RTL4: variants seen among roughly 807,000 people sequenced by gnomAD.
RTL4 encodes retrotransposon Gag-like protein 4.
Under a neutral mutation model 5.3 loss-of-function variants are expected in RTL4, and 4 were observed. The ratio of observed to expected loss-of-function variants is 0.75; its 90% CI spans 0.37 to 1.72. RTL4 has a LOEUF of 1.72. Ranked by LOEUF, RTL4 falls within the 40% of genes most tolerant of loss-of-function variation. The pLI, the probability that RTL4 is intolerant of heterozygous loss-of-function variation, is 0.04. For synonymous variants in RTL4, 98 were observed against 87.3 expected (o/e 1.12, Z -0.68); for missense variants, 260 against 227.1 (o/e 1.14, Z -0.93).
the RTL4 span, among the ~76,000 whole-genome samples, chrX:112,173,214 A>C: frequency 8.9e-6 from 1 of 111,880 alleles, no homozygotes; most frequent in East Asian, 2.8e-4. Context: ...AAACAAATAA[A>C]TAAATAAGTG....
the RTL4 span, among the ~76,000 whole-genome samples, chrX:112,364,244 C>A: frequency 4.0e-4 from 45 of 111,450 alleles, no homozygotes; most frequent in South Asian, 0.013. Flanking sequence ...TACAGTGAGA[C>A]CATAGAGGCC....
the RTL4 span, among the ~76,000 whole-genome samples, chrX:112,329,520 G>A: frequency 9.0e-6 from 1 of 110,838 alleles, no homozygotes; most frequent in East Asian, 2.8e-4. Flanking sequence ...ATAATCAATA[G>A]CTTACCAACC....
chrX:112,246,098 C>G, the RTL4 span, among the ~76,000 whole-genome samples: 1 of 111,891 alleles, frequency 8.9e-6, no homozygotes, highest in Non-Finnish European at 1.9e-5. Flanking sequence ...AGCTTTGTGT[C>G]AGAGGGCACC....
At chrX:112,083,485 G>T in the RTL4 span, among the ~76,000 whole-genome samples, 1 of 112,121 alleles carries the variant, frequency 8.9e-6, no homozygotes, top group East Asian at 2.8e-4. Context: ...GGGGTCCTAT[G>T]GGGCAGGCTT....
chrX:112,149,648 C>T, the RTL4 span, among the ~76,000 whole-genome samples: 1 of 112,235 alleles, frequency 8.9e-6, no homozygotes, highest in Admixed American at 9.4e-5. Flanking sequence ...CTTTGCTCAT[C>T]ATTTCCTGCT....
At chrX:112,380,150 A>T in the RTL4 span, among the ~76,000 whole-genome samples, 1 of 100,154 alleles carries the variant, frequency 1.0e-5, no homozygotes, top group Non-Finnish European at 2.0e-5. Flanking sequence ...ATGAAGATCA[A>T]TTTTTTTTTT....
At chrX:112,457,310 C>T (rs182945925), downstream of RTL4, among the ~76,000 whole-genome samples, 18 of 112,065 alleles carry the variant, frequency 1.6e-4, no homozygotes, top group Non-Finnish European at 3.2e-4. Context: ...AACAACGGCT[C>T]GCTGCACAAC....
the RTL4 span, among the ~76,000 whole-genome samples, chrX:112,222,738 AG>A: frequency 9.0e-6 from 1 of 111,140 alleles, no homozygotes; most frequent in African/African-American, 3.3e-5. Flanking sequence ...GACTTAAGAA[AG>A]AAAAAAAAAA....
At chrX:112,344,574 G>A in the RTL4 span, among the ~76,000 whole-genome samples, 25 of 111,660 alleles carry the variant, frequency 2.2e-4, 1 homozygote, top group Admixed American at 2.4e-3. Flanking sequence ...AGAACAGCAA[G>A]GGGGAAGTCT....
At chrX:112,224,992 A>C in the RTL4 span, among the ~76,000 whole-genome samples, 1 of 112,160 alleles carries the variant, frequency 8.9e-6, no homozygotes. Flanking sequence ...CACAAATACT[A>C]ATTTATTTAA....
the RTL4 span, among the ~76,000 whole-genome samples, chrX:112,095,049 A>G: frequency 9.0e-6 from 1 of 111,294 alleles, no homozygotes; most frequent in East Asian, 2.8e-4. Flanking sequence ...AACTAGTAGA[A>G]AAGGAGAGGA....
At chrX:112,323,242 C>A in the RTL4 span, among the ~76,000 whole-genome samples, 2 of 111,451 alleles carry the variant, frequency 1.8e-5, no homozygotes, top group Non-Finnish European at 3.8e-5. Context: ...ATTTTCCTGA[C>A]TGCTAGTGAA....
the RTL4 span, among the ~76,000 whole-genome samples, chrX:112,230,334 G>A: frequency 1.2e-4 from 13 of 112,511 alleles, no homozygotes; most frequent in African/African-American, 4.2e-4. Context: ...GAGCCATGTG[G>A]GGGATATAAT....
chrX:112,291,058 G>A, the RTL4 span, among the ~76,000 whole-genome samples: 1 of 111,532 alleles, frequency 9.0e-6, no homozygotes, highest in Admixed American at 9.6e-5. Flanking sequence ...TAGGACCCAA[G>A]ATAGGAATAC....
At chrX:112,134,900 A>G in the RTL4 span, among the ~76,000 whole-genome samples, 4 of 111,982 alleles carry the variant, frequency 3.6e-5, no homozygotes, top group South Asian at 3.7e-4. Context: ...ATTCCTTTTC[A>G]TAGATGAGCA....
chrX:112,118,715 A>C, the RTL4 span, among the ~76,000 whole-genome samples: 1 of 111,852 alleles, frequency 8.9e-6, no homozygotes, highest in Admixed American at 9.5e-5. Flanking sequence ...ATATGCACAT[A>C]TTTATGAGTA....
chrX:112,412,303 G>T, the RTL4 span, among the ~76,000 whole-genome samples: 6 of 104,681 alleles, frequency 5.7e-5, no homozygotes, highest in African/African-American at 2.0e-4. Context: ...AAGTTCAACA[G>T]AATATCTATT....
the RTL4 span, among the ~76,000 whole-genome samples, chrX:112,321,530 G>A: frequency 8.9e-3 from 772 of 87,015 alleles, 10 homozygotes; most frequent in African/African-American, 0.031. Context: ...GCGAGACTCC[G>A]TCTCAAAAAA....
chrX:112,429,679 G>C, the RTL4 span, among the ~76,000 whole-genome samples: 2 of 110,699 alleles, frequency 1.8e-5, no homozygotes, highest in South Asian at 3.8e-4. Context: ...GGTTTCTGAC[G>C]AATACCATTC....
Sources: allele counts gnomAD v4.1 joint callset (sites outside exome capture counted in the v4.1 genomes callset), GRCh38; gene constraint gnomAD v4.1.1; transcripts MANE v1.5; gene names NCBI Gene and HGNC (gene_info 2026-07-23, HGNC 2026-07-21).